The following GRM7 variants were observed in gnomAD, a reference collection of about 807,000 sequenced individuals.
GRM7 encodes glutamate metabotropic receptor 7, also known as metabotropic glutamate receptor 7.
GRM7 carries 35 observed loss-of-function variants against 84.5 expected under a neutral mutation model. The observed-to-expected ratio is 0.41, with a 90% CI of 0.32 to 0.55. The LOEUF (loss-of-function observed/expected upper bound fraction) is 0.55. Among genes scored for constraint, GRM7 ranks in the 20% least tolerant of loss-of-function variants. The pLI is 0.19. For missense variants in GRM7, 1,003 were observed against 1,194.6 expected (o/e 0.84, Z 2.36); for synonymous variants, 487 against 455.1 (o/e 1.07, Z -0.89).
intron 4 of GRM7, among the ~76,000 whole-genome samples, chr3:7,372,694 T>G (rs1211324008): frequency 6.6e-6 from 1 of 152,190 alleles, no homozygotes; most frequent in African/African-American, 2.4e-5. Context: ...AGATCGATAC[T>G]TGTCATCTTT....
chr3:7,022,344 A>AAT (rs991937309), intron 1 of GRM7, among the ~76,000 whole-genome samples: 3 of 112,932 alleles, frequency 2.7e-5, no homozygotes, highest in African/African-American at 1.3e-4. Flanking sequence ...AAAATAATAA[A>AAT]ATATATATAT....
At chr3:7,454,978 G>C (rs1697943787) in intron 6 of GRM7, among the ~76,000 whole-genome samples, 2 of 152,074 alleles carry the variant, frequency 1.3e-5, no homozygotes, top group Non-Finnish European at 2.9e-5. Flanking sequence ...AAATGGTTGG[G>C]ACCAGGGCTA....
intron 8 of GRM7, among the ~76,000 whole-genome samples, chr3:7,662,163 T>C (rs1425386124): frequency 6.6e-6 from 1 of 152,200 alleles, no homozygotes; most frequent in Non-Finnish European, 1.5e-5. Context: ...ATAGTAGTTA[T>C]CATAGAATTT....
chr3:7,515,834 G>A (rs1700356458), intron 7 of GRM7, among the ~76,000 whole-genome samples: 1 of 152,022 alleles, frequency 6.6e-6, no homozygotes, highest in Admixed American at 6.6e-5. Context: ...ACTTTTGCAT[G>A]AGGCTGATAT....
intron 1 of GRM7, among the ~76,000 whole-genome samples, chr3:7,064,532 G>T (rs181324220): frequency 5.2e-5 from 4 of 76,268 alleles, no homozygotes; most frequent in African/African-American, 1.2e-4. Context: ...ACACACACAC[G>T]CATCCATCAT....
intron 4 of GRM7, among the ~76,000 whole-genome samples, chr3:7,337,131 C>A (rs73132254): frequency 0.039 from 5,957 of 152,196 alleles, 247 homozygotes; most frequent in African/African-American, 0.11. Context: ...TTACAGCCAA[C>A]TGCTCTTTGA....
intron 2 of GRM7, among the ~76,000 whole-genome samples, chr3:7,185,799 A>G (rs1484206412): frequency 1.3e-5 from 2 of 152,192 alleles, no homozygotes; most frequent in Non-Finnish European, 2.9e-5. Flanking sequence ...ACATGGGAGA[A>G]CTAATACCTG....
chr3:7,231,602 A>C (rs1350817725), intron 2 of GRM7, among the ~76,000 whole-genome samples: 1 of 152,240 alleles, frequency 6.6e-6, no homozygotes, highest in Non-Finnish European at 1.5e-5. Context: ...TTATCAAAAC[A>C]GCTGGCATTT....
rs894096724 is a variant in GRM7, at chr3:7,653,436, T to C, written c.2452-26613T>C. On this transcript the variant is annotated intron_variant, in intron 8 of 9. Transcript: ENST00000357716. ...ACAAAGTAACAGATCTGAGAAGCCA[T>C]TGGATTTCTCTGAGGAAGGTCTGTT... Among the ~76,000 whole-genome samples, 24 of 152,062 alleles carry C rather than the reference T, an allele frequency of 1.6e-4. 1 individual carries two copies.
At chr3:7,589,211 C>T (rs1483605391) in intron 8 of GRM7, among the ~76,000 whole-genome samples, 1 of 152,186 alleles carries the variant, frequency 6.6e-6, no homozygotes, top group Admixed American at 6.5e-5. Context: ...GCAATCAGAT[C>T]ATTGTCTTTT....
At chr3:7,672,754 G>A (rs907341857) in intron 8 of GRM7, among the ~76,000 whole-genome samples, 10 of 151,986 alleles carry the variant, frequency 6.6e-5, no homozygotes, top group African/African-American at 1.4e-4. Context: ...ACAGGCGCCC[G>A]CTATGGCGCC....
intron 1 of GRM7, among the ~76,000 whole-genome samples, chr3:7,086,374 C>CT (rs35801470): frequency 0.57 from 87,177 of 151,868 alleles, 27,278 homozygotes; most frequent in African/African-American, 0.84. Flanking sequence ...GTTAGTATTC[C>CT]TTTAAACACA....
intron 9 of GRM7, among the ~76,000 whole-genome samples, chr3:7,714,570 C>T (rs1426920898): frequency 6.6e-6 from 1 of 152,178 alleles, no homozygotes; most frequent in Non-Finnish European, 1.5e-5. Flanking sequence ...AATCTGCATT[C>T]TAGCAAGATC....
intron 2 of GRM7, among the ~76,000 whole-genome samples, chr3:7,275,022 C>A (rs1009616181): frequency 6.6e-6 from 1 of 152,012 alleles, no homozygotes; most frequent in Admixed American, 6.6e-5. Context: ...TTTTGGAAGT[C>A]TCTATTGAGA....
At position 7,576,252 on chromosome 3, in the gene GRM7, G is replaced by A. The variant is rs1213645229; in HGVS notation, c.1516-2170G>A. Among the ~76,000 whole-genome samples, 3 of 152,226 alleles carry A rather than the reference G, an allele frequency of 2.0e-5. No individual in the cohort carries two copies. The East Asian group carries it at 5.8e-4, about 29-fold the overall frequency. The stretch of plus-strand genomic sequence containing the variant: ...GTTATTTCCCTAATTTTATGACTCT[G>A]GGATGGCTTCCAGTGACTTATTGTC... On this transcript the variant is annotated intron_variant, in intron 7 of 9. Transcript: ENST00000357716.
intron 9 of GRM7, chr3:7,691,204 T>C: frequency 8.7e-7 from 1 of 1,151,624 alleles, no homozygotes; most frequent in Non-Finnish European, 1.2e-6. Flanking sequence ...CTGCCCTTTT[T>C]CATAGTAACC....
At chr3:7,381,694 T>C (rs1223142055) in intron 4 of GRM7, among the ~76,000 whole-genome samples, 1 of 152,204 alleles carries the variant, frequency 6.6e-6, no homozygotes, top group African/African-American at 2.4e-5. Context: ...TGGTTTGTTG[T>C]GAACATTAAA....
chr3:7,495,617 A>G (rs56118451), intron 7 of GRM7, among the ~76,000 whole-genome samples: 1,589 of 152,278 alleles, frequency 0.01, 30 homozygotes, highest in African/African-American at 0.036. Flanking sequence ...CAGCAAGGAA[A>G]AAAAGTCCCT....
Position 7,059,846 on chromosome 3 carries a change from C to G in GRM7, c.520-86606C>G, listed in dbSNP as rs115626968. On this transcript the variant is annotated intron_variant, in intron 1 of 9. Transcript: ENST00000357716. ...AACCAAAACATTGGTCTTCTCCAGACACAGAATCTGCTAGTTCTTTCATCT... is the reference window on the plus strand; with the variant it reads ...AACCAAAACATTGGTCTTCTCCAGAGACAGAATCTGCTAGTTCTTTCATCT... 2.2e-3 allele frequency among the ~76,000 whole-genome samples: 334 copies of G among 151,910 alleles called. 1 individual carries two copies. The highest frequency in any genetic ancestry group is 7.7e-3 in the African/African-American group (318 of 41,514).
Sources: gnomAD v4.1 joint callset for allele counts (sites outside exome capture counted in the v4.1 genomes callset) on GRCh38, gnomAD v4.1.1 for gene constraint, MANE v1.5 for transcripts, NCBI Gene and HGNC (gene_info 2026-07-23, HGNC 2026-07-21) for gene names.